FUS: variants seen among roughly 807,000 people sequenced by gnomAD.
FUS encodes the protein RNA-binding protein FUS.
FUS carries 5 observed loss-of-function variants against 82.7 expected under a neutral mutation model. The ratio of observed to expected loss-of-function variants is 0.06; its 90% CI spans 0.03 to 0.13. FUS has a LOEUF of 0.13. Among genes scored for constraint, FUS ranks in the 10% least tolerant of loss-of-function variants. FUS has a pLI of 1.00. For synonymous variants in FUS, 281 were observed against 247.4 expected (o/e 1.14, Z -1.27); for missense variants, 512 against 707.8 (o/e 0.72, Z 3.14).
rs2144136227 is a variant in FUS at position 31,190,333 on chromosome 16, A to T, written c.1227A>T (p.Gly409=). The change falls in exon 12 of 15, where the codon GGA becomes GGT. Residue 409 remains glycine, a synonymous_variant. Coordinates refer to ENST00000254108, the MANE Select transcript of FUS (RefSeq NM_004960.4). The part of the protein sequence containing the change: ...GGGSGGGGRG[G]FPSGGGGGGG... ...GCAGTGGTGGTGGTGGCCGAGGAGG[A>T]TTTCCCAGTGGAGGTGGTGGCGGTG... 1 of 1,613,726 alleles carries T rather than the reference A, an allele frequency of 6.2e-7. No individual in the cohort carries two copies. Among genetic ancestry groups the T allele is most frequent in the African/African-American group, 1.3e-5 (1 of 74,870 alleles).
At position 31,182,165 on chromosome 16, in the gene FUS, A is replaced by G. The variant is rs1441952178; in HGVS notation, c.14-233A>G. The G allele has an allele frequency of 1.1e-5, 6 of 534,098 alleles. No homozygotes were observed. In the East Asian group the frequency reaches 2.0e-4, roughly 18 times the overall value. 33.1% of individuals were successfully genotyped at this position (534,098 alleles called of 1,614,324 possible). ...CCACCATGCCCGGCTAATTTTTTGT[A>G]TTTTTATTAGAGATGGGGCTTCACC... On this transcript the variant is annotated intron_variant, in intron 1 of 14. Transcript: ENST00000254108.
Position 31,189,247 on chromosome 16 carries a change from G to A in FUS, c.936+21G>A, listed in dbSNP as rs2079316134. The A allele has an allele frequency of 2.6e-6, 4 of 1,520,240 alleles. No individual in the cohort carries two copies. In the Admixed American group the frequency reaches 6.7e-5, roughly 25 times the overall value. The allele number at this position is 1,520,240 out of a possible 1,614,324, so 94.2% of individuals were successfully genotyped here. A position where few individuals can be genotyped will look rare whatever the true frequency, so the allele number is the denominator to read the frequency against. On this transcript the variant is annotated intron_variant, in intron 9 of 14. Transcript: ENST00000254108. ...TTAAGGTACTTGTGGAGAGGAGTGG[G>A]AGCTTTCTGTCAGTGTTGTAGGCTT...
At chr16:31,190,683 A>G (rs774477056) in intron 12 of FUS, 59 bp from the exon 13 acceptor site, 1 of 1,472,028 alleles carries the variant, frequency 6.8e-7, no homozygotes, top group South Asian at 1.1e-5. Flanking sequence ...GTTTCTTCCT[A>G]GTTCTAGGTC....
At chr16:31,182,120 G>T in intron 1 of FUS, 1 of 444,134 alleles carries the variant, frequency 2.3e-6, no homozygotes, top group Non-Finnish European at 4.2e-6. Context: ...CTCCCGAGTA[G>T]CTGGGATTAC....
chr16:31,190,537 C>G, intron 12 of FUS, 139 bp downstream of exon 12: 3 of 1,371,170 alleles, frequency 2.2e-6, no homozygotes, highest in Non-Finnish European at 3.1e-6. Context: ...AAAAGCTTAC[C>G]TAGGTAAGGT....
chr16:31,185,727 T>C, intron 6 of FUS: 1 of 389,694 alleles, frequency 2.6e-6, no homozygotes, highest in Non-Finnish European at 5.2e-6. Flanking sequence ...TGGGGCCAGC[T>C]GACTGAAGTA....
In FUS at chr16:31,190,766, T is replaced by C. The variant is rs377010944; in HGVS notation, c.1317T>C (p.Ser439=). The change falls in exon 13 of 15, where the codon TCT becomes TCC. Residue 439 remains serine, a synonymous_variant. Transcript: ENST00000254108. ...PNPTCENMNF[S]WRNECNQCKA... is the part of the protein sequence containing the mutation. Reference sequence around the variant, plus strand: ...GCACCTGTGAGAATATGAACTTCTCTTGGAGGAATGAATGCAACCAGTGTA... The same window carrying C: ...GCACCTGTGAGAATATGAACTTCTCCTGGAGGAATGAATGCAACCAGTGTA... 47 of 1,614,074 alleles carry C rather than the reference T, an allele frequency of 2.9e-5. No homozygotes were observed. Among genetic ancestry groups the C allele is most frequent in the Middle Eastern group, 1.6e-4 (1 of 6,084 alleles).
At chr16:31,191,361 A>G in intron 14 of FUS, 38 bp from the exon 15 acceptor site, 2 of 1,611,594 alleles carry the variant, frequency 1.2e-6, no homozygotes, top group East Asian at 2.2e-5. Flanking sequence ...GGTAACTCAA[A>G]TATAATGGAT....
rs748112238 is a variant in FUS at position 31,183,992 on chromosome 16, A to G, written c.325A>G (p.Thr109Ala). ...TGGCCAGCAGCCAGCTCCCAGCAGCACCTCGGGAAGGTACGGTGGTGTTGA... is the reference window on the plus strand; with the variant it reads ...TGGCCAGCAGCCAGCTCCCAGCAGCGCCTCGGGAAGGTACGGTGGTGTTGA... ...GYGQQPAPSSTSGSYGSSSQS... is the reference protein window; with the variant it reads ...GYGQQPAPSSASGSYGSSSQS... The change falls in exon 4 of 15, where the codon ACC (threonine) becomes GCC (alanine). Residue 109 changes from threonine to alanine, a missense_variant. Physicochemically the swap from Thr to Ala is moderately conservative, Grantham distance 58. This residue lies in a region of FUS where 276 missense variants were observed against 303.3 expected (regional missense o/e 0.91). Transcript: ENST00000254108. 1.7e-5 allele frequency: 28 copies of G among 1,613,976 alleles called. No individual in the cohort carries two copies. Among genetic ancestry groups the G allele is most frequent in the Non-Finnish European group, 2.2e-5 (26 of 1,180,010 alleles).
chr16:31,191,988 T>A (rs1290532726), downstream of FUS: 13 of 533,124 alleles, frequency 2.4e-5, 1 homozygote, highest in South Asian at 2.0e-4. Context: ...TGGGGCAGTA[T>A]TCAGATTTGA....
At chr16:31,190,251 C>T (rs1040459590) in intron 11 of FUS, 24 bp from the exon 12 acceptor site, 4 of 1,613,876 alleles carry the variant, frequency 2.5e-6, no homozygotes, top group African/African-American at 1.3e-5. Flanking sequence ...GGGAGCAGAC[C>T]CATACTTGGT....
At chr16:31,186,412 C>T (rs773957236) in intron 6 of FUS, 45 of 387,722 alleles carry the variant, frequency 1.2e-4, no homozygotes, top group Non-Finnish European at 2.0e-4. Flanking sequence ...GCTACCCCAG[C>T]CTGGTGTGAA....
downstream of FUS, chr16:31,194,788 T>G (rs187529579): frequency 6.2e-6 from 3 of 480,982 alleles, no homozygotes; most frequent in African/African-American, 5.9e-5. Context: ...TCAGCCCTTT[T>G]ATGCTGGAGG....
rs188146959 is a variant in FUS, at chr16:31,188,638, C to G, written c.832+281C>G. Reference sequence around the variant, plus strand: ...GTGATGCTGATGCGTCTGGACCACACTCAGATGGTTTACAGCAGTGGTTCT... The same window carrying G: ...GTGATGCTGATGCGTCTGGACCACAGTCAGATGGTTTACAGCAGTGGTTCT... On this transcript the variant is annotated intron_variant, in intron 8 of 14. Coordinates refer to ENST00000254108, the MANE Select transcript of FUS (RefSeq NM_004960.4). The G allele has an allele frequency of 1.3e-5, 7 of 552,590 alleles. No individual in the cohort carries two copies. The Admixed American group carries it at 1.4e-4, about 11-fold the overall frequency. 34.2% of individuals were successfully genotyped at this position (552,590 alleles called of 1,614,324 possible).
intron 1 of FUS, among the ~76,000 whole-genome samples, chr16:31,181,355 T>C (rs1370651616): frequency 6.6e-6 from 1 of 152,144 alleles, no homozygotes; most frequent in Non-Finnish European, 1.5e-5. Context: ...TGTTCGTGTA[T>C]CTTAAGTGGG....
At chr16:31,192,491 A>G (rs1212739387), downstream of FUS, 2 of 516,330 alleles carry the variant, frequency 3.9e-6, no homozygotes, top group African/African-American at 1.9e-5. Flanking sequence ...TTTGTAAGAC[A>G]GCTGCCATCA....
intron 13 of FUS, 51 bp downstream of exon 13, chr16:31,190,893 T>G: frequency 6.2e-7 from 1 of 1,613,058 alleles, no homozygotes; most frequent in Non-Finnish European, 8.5e-7. Context: ...GAATCCTTAA[T>G]TTTTCAGCGG....
At position 31,184,521 on chromosome 16, in the gene FUS, G is replaced by T. The variant is rs1399618103; in HGVS notation, c.523+125G>T. On this transcript the variant is annotated intron_variant, in intron 5 of 14. Coordinates refer to ENST00000254108, the MANE Select transcript of FUS (RefSeq NM_004960.4). Reference sequence around the variant, plus strand: ...TGCAGTGGCACAATCTCGGCTCACTGCAAGCTCCGCCTTCCGGGTTCGCGC... The same window carrying T: ...TGCAGTGGCACAATCTCGGCTCACTTCAAGCTCCGCCTTCCGGGTTCGCGC... 9 of 974,100 alleles carry T rather than the reference G, an allele frequency of 9.2e-6. No homozygotes were observed. The African/African-American group carries it at 1.3e-4, about 15-fold the overall frequency. The allele number at this position is 974,100 out of a possible 1,614,324, so 60.3% of individuals were successfully genotyped here.
chr16:31,192,021 ACT>A, downstream of FUS: 1 of 533,204 alleles, frequency 1.9e-6, no homozygotes, highest in East Asian at 3.9e-5. Context: ...GCGCTTAGCC[ACT>A]CTGGGTCTTT....
Sources: allele counts gnomAD v4.1 joint callset (sites outside exome capture counted in the v4.1 genomes callset), GRCh38; gene constraint gnomAD v4.1.1; regional missense constraint gnomAD v4.1.1; transcripts MANE v1.5; gene names NCBI Gene and HGNC (gene_info 2026-07-23, HGNC 2026-07-21).